The following ACSL3 variants were observed in gnomAD, a reference collection of about 807,000 sequenced individuals.
ACSL3 encodes acyl-CoA synthetase long chain family member 3.
In ACSL3, 34 loss-of-function variants were observed where a neutral mutation model predicts 84.7. The ratio of observed to expected loss-of-function variants is 0.40; its 90% confidence interval spans 0.31 to 0.53. ACSL3 has a LOEUF of 0.53. Among genes scored for constraint, ACSL3 ranks in the 20% least tolerant of loss-of-function variants. The pLI is 0.48. For missense variants in ACSL3, 680 were observed against 873.1 expected, an observed-to-expected ratio of 0.78 and a Z score of 2.79; for synonymous variants, 315 against 299.4, an observed-to-expected ratio of 1.05 and a Z score of -0.54.
intron 1 of ACSL3, among the ~76,000 whole-genome samples, chr2:222,872,904 G>A (rs550293317): frequency 3.9e-5 from 6 of 152,128 alleles, no homozygotes; most frequent in Non-Finnish European, 8.8e-5. Context: ...AGGAGTTTGT[G>A]CAGAGGTCTT....
intron 16 of ACSL3, among the ~76,000 whole-genome samples, chr2:222,936,704 T>A (rs1356589929): frequency 7.3e-6 from 1 of 137,302 alleles, no homozygotes; most frequent in Non-Finnish European, 1.5e-5. Context: ...AAGACATACC[T>A]GAGACTGGGT....
intron 13 of ACSL3, among the ~76,000 whole-genome samples, chr2:222,930,100 T>C (rs1372984408): frequency 6.6e-6 from 1 of 151,844 alleles, no homozygotes; most frequent in Non-Finnish European, 1.5e-5. Context: ...GACTAATTTT[T>C]TGTATTTTTA....
At chr2:222,902,989 T>C (rs1696190136) in intron 3 of ACSL3, among the ~76,000 whole-genome samples, 1 of 152,174 alleles carries the variant, frequency 6.6e-6, no homozygotes, top group Non-Finnish European at 1.5e-5. Context: ...TGCCTAGGTA[T>C]TTGTCTGCCT....
intron 3 of ACSL3, among the ~76,000 whole-genome samples, chr2:222,907,279 A>G (rs1245584583): frequency 6.6e-6 from 1 of 152,174 alleles, no homozygotes; most frequent in East Asian, 1.9e-4. Context: ...TGGGGACTGG[A>G]TGAAAGAGAA....
At chr2:222,898,866 GA>G (rs1354615256) in intron 2 of ACSL3, among the ~76,000 whole-genome samples, 1 of 152,084 alleles carries the variant, frequency 6.6e-6, no homozygotes. Flanking sequence ...AACAAAAAAA[GA>G]AGCATTGCTG....
chr2:222,924,992 C>T (rs1350865724), intron 11 of ACSL3, among the ~76,000 whole-genome samples: 1 of 146,280 alleles, frequency 6.8e-6, no homozygotes, highest in Non-Finnish European at 1.5e-5. Context: ...CGCCACTGCA[C>T]GATCTGTCTG....
chr2:222,881,708 G>A (rs1457980837), intron 1 of ACSL3, among the ~76,000 whole-genome samples: 1 of 152,270 alleles, frequency 6.6e-6, no homozygotes, highest in South Asian at 2.1e-4. Flanking sequence ...TAGAGATGGG[G>A]TTTCACCATG....
rs764744436 is a variant in ACSL3 at position 222,934,084 on chromosome 2, A to G, written c.1848-446A>G. On this transcript the variant is annotated intron_variant, in intron 15 of 16. Coordinates refer to ENST00000357430, the MANE Select transcript of ACSL3 (RefSeq NM_004457.5). ...TCCTCTATCAATACAAATTCTGATG[A>G]TAACAAAAGAAAAAAAAGAATATAT... Among the ~76,000 whole-genome samples, 34 of 152,222 alleles carry G rather than the reference A, an allele frequency of 2.2e-4. 1 individual carries two copies. Among genetic ancestry groups the G allele is most frequent in the Non-Finnish European group, 3.5e-4 (24 of 68,030 alleles).
At chr2:222,864,738 A>G (rs1011579476) in intron 1 of ACSL3, among the ~76,000 whole-genome samples, 6 of 152,114 alleles carry the variant, frequency 3.9e-5, no homozygotes, top group African/African-American at 1.2e-4. Context: ...GAGTGGTTGA[A>G]TATAGACTAG....
intron 3 of ACSL3, among the ~76,000 whole-genome samples, chr2:222,904,462 C>T (rs189672926): frequency 9.2e-5 from 14 of 152,168 alleles, no homozygotes; most frequent in Admixed American, 2.6e-4. Flanking sequence ...ATACAAATCA[C>T]GTTTTTGTGA....
chr2:222,874,264 A>T (rs1208720249), intron 1 of ACSL3, among the ~76,000 whole-genome samples: 1 of 152,156 alleles, frequency 6.6e-6, no homozygotes, highest in African/African-American at 2.4e-5. Flanking sequence ...ACCTCAGGTG[A>T]TCCGTCTGCC....
chr2:222,908,544 T>TC (rs1696356399), intron 3 of ACSL3, among the ~76,000 whole-genome samples, 189 bp from the exon 4 acceptor site: 1 of 152,226 alleles, frequency 6.6e-6, no homozygotes, highest in Non-Finnish European at 1.5e-5. Context: ...TGTGGAAACT[T>TC]TTCTTGTAAT....
chr2:222,918,579 A>AG (rs11402748), intron 6 of ACSL3, among the ~76,000 whole-genome samples: 135,802 of 150,856 alleles, frequency 0.9, 61,289 homozygotes, highest in East Asian at 0.98. Context: ...CAGTAAAAAG[A>AG]GTTTCTTTGG....
intron 3 of ACSL3, among the ~76,000 whole-genome samples, chr2:222,907,628 GGTCACACATGCCTGTA>G (rs1304972399): frequency 6.6e-6 from 1 of 152,004 alleles, no homozygotes; most frequent in East Asian, 1.9e-4. Flanking sequence ...AGCTGAGTGT[GGTCACACATGCCTGTA>G]GTCCCAACTG....
intron 11 of ACSL3, 65 bp from the exon 12 acceptor site, chr2:222,926,952 T>C: frequency 6.5e-7 from 1 of 1,545,516 alleles, no homozygotes; most frequent in Non-Finnish European, 8.8e-7. Context: ...GGGGGATTAG[T>C]TTAAGTGATT....
At chr2:222,927,217 A>T in intron 12 of ACSL3, 28 bp downstream of exon 12, 1 of 1,601,122 alleles carries the variant, frequency 6.2e-7, no homozygotes, top group Non-Finnish European at 8.5e-7. Flanking sequence ...CAGAGGCTGG[A>T]GTGTGATGCC....
At position 222,919,074 on chromosome 2, in the gene ACSL3, C is replaced by T; in HGVS notation, c.677C>T (p.Ser226Phe). The change falls in exon 7 of 17, where the codon TCT becomes TTT. Residue 226 changes from serine (S) to phenylalanine (F), a missense_variant. Ser to Phe is a radical substitution (Grantham distance 155). This residue lies in a region of ACSL3 where 333 missense variants were observed against 347.5 expected (regional missense o/e 0.96). Coordinates refer to ENST00000357430, the MANE Select transcript of ACSL3 (RefSeq NM_004457.5). ...LLQTKLKDIV[S>F]LVPRLRHIIT... The stretch of plus-strand genomic sequence containing the variant: ...TTGGTGTATTTCTAGGATATAGTTT[C>T]TTTGGTCCCACGCCTGCGGCACATC... 1.9e-6 allele frequency: 3 copies of T among 1,613,500 alleles called. No individual in the cohort carries two copies. Among genetic ancestry groups the T allele is most frequent in the Non-Finnish European group, 2.5e-6 (3 of 1,179,748 alleles).
chr2:222,941,412 T>C (rs975689595), intron 16 of ACSL3, 85 bp from the exon 17 acceptor site: 1 of 1,133,268 alleles, frequency 8.8e-7, no homozygotes, highest in Non-Finnish European at 1.2e-6. Flanking sequence ...TGCATTTTGA[T>C]GGATACGCAA....
chr2:222,903,678 G>T (rs1208433579), intron 3 of ACSL3, among the ~76,000 whole-genome samples: 1 of 152,182 alleles, frequency 6.6e-6, no homozygotes, highest in Admixed American at 6.5e-5. Flanking sequence ...TTTAAACTAT[G>T]TATATTCTCT....
Sources: gnomAD v4.1 joint callset for allele counts (sites outside exome capture counted in the v4.1 genomes callset) on GRCh38, gnomAD v4.1.1 for gene constraint, gnomAD v4.1.1 regional missense constraint, MANE v1.5 for transcripts, NCBI Gene and HGNC (gene_info 2026-07-23, HGNC 2026-07-21) for gene names.